ARNT: variants seen among roughly 807,000 people sequenced by gnomAD.
ARNT encodes the protein class E basic helix-loop-helix protein 2.
Under a neutral mutation model 105.0 loss-of-function variants are expected in ARNT, and 30 were observed. That is an observed-to-expected ratio of 0.29 (90% confidence interval 0.21 to 0.39). The LOEUF (loss-of-function observed/expected upper bound fraction) is 0.39. Among genes scored for constraint, ARNT ranks in the 10% least tolerant of loss-of-function variants. The pLI is 1.00. For missense variants in ARNT, 748 were observed against 978.7 expected (o/e 0.76, Z 3.15); for synonymous variants, 304 against 344.0 (o/e 0.88, Z 1.29).
chr1:150,831,718 T>C, intron 10 of ARNT, 100 bp downstream of exon 10: 1 of 753,934 alleles, frequency 1.3e-6, no homozygotes, highest in Non-Finnish European at 2.2e-6. Flanking sequence ...TACACAAAAG[T>C]ACATTTCATA....
intron 10 of ARNT, 113 bp downstream of exon 10, chr1:150,831,705 T>C: frequency 1.5e-6 from 1 of 687,848 alleles, no homozygotes; most frequent in South Asian, 1.9e-5. Context: ...TTTTCTTTCA[T>C]CTTACACAAA....
chr1:150,851,561 C>G (rs1663561783), intron 3 of ARNT, among the ~76,000 whole-genome samples: 1 of 152,382 alleles, frequency 6.6e-6, no homozygotes, highest in East Asian at 1.9e-4. Context: ...ACCTTACCCC[C>G]AACCCAGTGC....
At chr1:150,847,968 AAAAG>A (rs1662560129) in intron 3 of ARNT, among the ~76,000 whole-genome samples, 1 of 152,220 alleles carries the variant, frequency 6.6e-6, no homozygotes, top group East Asian at 1.9e-4. Flanking sequence ...TTACTATAAA[AAAAG>A]AAGATAGATG....
chr1:150,848,156 T>C (rs587680757), intron 3 of ARNT, among the ~76,000 whole-genome samples: 1 of 152,296 alleles, frequency 6.6e-6, no homozygotes, highest in South Asian at 2.1e-4. Context: ...CTGGAAACTG[T>C]AGTTGTCTAA....
chr1:150,822,409 C>T (rs1335741515), intron 14 of ARNT, among the ~76,000 whole-genome samples: 4 of 151,998 alleles, frequency 2.6e-5, no homozygotes, highest in African/African-American at 4.8e-5. Flanking sequence ...GGAGGGGAGC[C>T]GGTACCTAAG....
Position 150,836,336 on chromosome 1 carries a change from G to C in ARNT, c.644C>G (p.Pro215Arg). ...CTCACGAAGTTTATCCACATCATCT[G>C]GGTGCACCTGATCATAGAGTGTGCT... ...FGSTLYDQVH[P>R]DDVDKLREQL... Residue 215 changes from proline (P) to arginine (R), a missense_variant, in exon 7 of 22, where the codon CCA becomes CGA. Physicochemically the swap from Pro to Arg is moderately radical, Grantham distance 103. This residue lies in a region of ARNT where 291 missense variants were observed against 444.6 expected (regional missense o/e 0.65). Coordinates refer to ENST00000358595, the MANE Select transcript of ARNT (RefSeq NM_001668.4). 6.2e-7 allele frequency: 1 copy of C among 1,614,114 alleles called. No homozygotes were observed. Among genetic ancestry groups the C allele is most frequent in the Non-Finnish European group, 8.5e-7 (1 of 1,180,032 alleles).
At chr1:150,848,455 CAAA>C (rs60782711) in intron 3 of ARNT, among the ~76,000 whole-genome samples, 3 of 142,748 alleles carry the variant, frequency 2.1e-5, no homozygotes, top group Non-Finnish European at 1.5e-5. Flanking sequence ...AGACTCCTCT[CAAA>C]AAAAAAAAAA....
chr1:150,822,528 A>G (rs1282824847), intron 14 of ARNT, among the ~76,000 whole-genome samples: 1 of 152,206 alleles, frequency 6.6e-6, no homozygotes, highest in Non-Finnish European at 1.5e-5. Flanking sequence ...ATAGGTAAAC[A>G]CATGGAGATC....
intron 4 of ARNT, among the ~76,000 whole-genome samples, chr1:150,844,970 C>T (rs761484022): frequency 1.4e-4 from 22 of 151,928 alleles, no homozygotes; most frequent in Non-Finnish European, 2.5e-4. Context: ...CCATGATGCC[C>T]GGCTAATTTT....
intron 2 of ARNT, among the ~76,000 whole-genome samples, chr1:150,857,350 C>G (rs1664820151): frequency 6.6e-6 from 1 of 152,142 alleles, no homozygotes. Flanking sequence ...GAGTAAGCTA[C>G]AAAGCTAAAC....
rs1654688704 is a variant in ARNT, at chr1:150,811,423, T to C, written c.*598A>G. ...GGACAAATTTTGCATAACTCCCTAA[T>C]AGGGAGAAAGAGTGAAATACAGAAG... On this transcript the variant is annotated 3_prime_UTR_variant, in exon 22 of 22. Coordinates refer to ENST00000358595, the MANE Select transcript of ARNT (RefSeq NM_001668.4). The C allele has an allele frequency of 4.3e-6, 1 of 232,264 alleles. No homozygotes were observed. Among genetic ancestry groups the C allele is most frequent in the Admixed American group, 5.7e-5 (1 of 17,596 alleles). The allele number at this position is 232,264 out of a possible 1,614,324, so 14.4% of individuals were successfully genotyped here.
At chr1:150,842,057 A>C (rs1661386646) in intron 5 of ARNT, among the ~76,000 whole-genome samples, 1 of 152,182 alleles carries the variant, frequency 6.6e-6, no homozygotes, top group African/African-American at 2.4e-5. Flanking sequence ...TCACAAATAC[A>C]GATATATTTA....
chr1:150,858,305 G>A (rs1171505830), intron 2 of ARNT, 44 bp downstream of exon 2: 1 of 1,421,694 alleles, frequency 7.0e-7, no homozygotes, highest in African/African-American at 1.4e-5. Flanking sequence ...AACTAAAGTT[G>A]GTTTATAGGA....
intron 1 of ARNT, among the ~76,000 whole-genome samples, chr1:150,874,819 C>A (rs1457819537): frequency 6.6e-6 from 1 of 152,178 alleles, no homozygotes; most frequent in Non-Finnish European, 1.5e-5. Context: ...AAAGCTGTTT[C>A]ATTAACAAGG....
At position 150,847,105 on chromosome 1, in the gene ARNT, G is replaced by T. The variant is rs587662549; in HGVS notation, c.183-798C>A. On this transcript the variant is annotated intron_variant, in intron 3 of 21. Transcript: ENST00000358595. Reference sequence around the variant, plus strand: ...TGTGCAAATATCTCTTCAAGATTCTGCCTTCGATTATTTTGTATATATATA... The same window carrying T: ...TGTGCAAATATCTCTTCAAGATTCTTCCTTCGATTATTTTGTATATATATA... Among the ~76,000 whole-genome samples the T allele has an allele frequency of 5.3e-5, 8 of 152,204 alleles. No homozygotes were observed. In the South Asian group the frequency reaches 1.5e-3, roughly 28 times the overall value.
At chr1:150,813,461 T>C in intron 20 of ARNT, 123 bp from the exon 21 acceptor site, 3 of 1,006,680 alleles carry the variant, frequency 3.0e-6, no homozygotes, top group Non-Finnish European at 4.1e-6. Context: ...TGTCCTTCTC[T>C]CTGCCAATCA....
intron 4 of ARNT, 102 bp from the exon 5 acceptor site, chr1:150,842,570 T>C (rs1189071060): frequency 3.6e-6 from 3 of 842,198 alleles, no homozygotes; most frequent in African/African-American, 3.9e-5. Flanking sequence ...GGAGAGGAAA[T>C]GGAGGGAGAA....
At chr1:150,816,148 CAG>C (rs1655822144) in intron 19 of ARNT, 109 bp downstream of exon 19, 2 of 1,338,576 alleles carry the variant, frequency 1.5e-6, no homozygotes, top group Admixed American at 2.8e-5. Flanking sequence ...AACCGGAGAA[CAG>C]GGGTTGGGGA....
Position 150,816,759 on chromosome 1 carries a change from G to A in ARNT, c.1802+29C>T, listed in dbSNP as rs587739375. The A allele has an allele frequency of 4.5e-6, 7 of 1,549,798 alleles. No individual in the cohort carries two copies. The South Asian group carries it at 6.2e-5, about 14-fold the overall frequency. ...CAGCAGCTGAATCCCTCAGGGCCCTGTAAAGCAGCACATATATACGGGGCT... is the reference window on the plus strand; with the variant it reads ...CAGCAGCTGAATCCCTCAGGGCCCTATAAAGCAGCACATATATACGGGGCT... On this transcript the variant is annotated intron_variant, in intron 18 of 21. Transcript: ENST00000358595.
Sources: allele counts gnomAD v4.1 joint callset (sites outside exome capture counted in the v4.1 genomes callset), GRCh38; gene constraint gnomAD v4.1.1; regional missense constraint gnomAD v4.1.1; transcripts MANE v1.5; gene names NCBI Gene and HGNC (gene_info 2026-07-23, HGNC 2026-07-21).